SLC35F3: variants seen among roughly 807,000 people sequenced by gnomAD.
The protein encoded by SLC35F3 is solute carrier family 35 member F3.
In SLC35F3, 25 loss-of-function variants were observed where a neutral mutation model predicts 49.9. The observed-to-expected ratio is 0.50, with a 90% CI of 0.37 to 0.70. The LOEUF (loss-of-function observed/expected upper bound fraction) is 0.70. SLC35F3 is among the 30% of genes least tolerant of loss of function. The probability of loss-of-function intolerance (pLI) is 0.00; values close to 1 mark genes in which losing one functional copy is unlikely to be tolerated. For synonymous variants in SLC35F3, 275 were observed against 265.4 expected (o/e 1.04, Z -0.35); for missense variants, 525 against 639.8 (o/e 0.82, Z 1.94).
At chr1:234,176,447 C>G (rs979505166) in intron 2 of SLC35F3, among the ~76,000 whole-genome samples, 3 of 152,166 alleles carry the variant, frequency 2.0e-5, no homozygotes, top group Non-Finnish European at 4.4e-5. Context: ...CACGCTTGTT[C>G]CACTCACAGC....
chr1:234,234,574 A>AT (rs1667433889), intron 3 of SLC35F3, among the ~76,000 whole-genome samples: 1 of 152,014 alleles, frequency 6.6e-6, no homozygotes, highest in Non-Finnish European at 1.5e-5. Flanking sequence ...AATGCCCTGG[A>AT]GTTGTTGAGT....
intron 2 of SLC35F3, among the ~76,000 whole-genome samples, chr1:234,052,845 T>A (rs904168141): frequency 6.6e-6 from 1 of 152,248 alleles, no homozygotes; most frequent in Non-Finnish European, 1.5e-5. Context: ...GTGTCTTTGT[T>A]CTCATTGGTT....
intron 2 of SLC35F3, among the ~76,000 whole-genome samples, chr1:233,942,965 A>G (rs1011383110): frequency 6.6e-6 from 1 of 152,214 alleles, no homozygotes; most frequent in Admixed American, 6.5e-5. Flanking sequence ...TTGTCGTTTT[A>G]TGACTGGCTT....
At chr1:234,090,119 G>A (rs952730398) in intron 2 of SLC35F3, among the ~76,000 whole-genome samples, 1 of 152,280 alleles carries the variant, frequency 6.6e-6, no homozygotes, top group African/African-American at 2.4e-5. Flanking sequence ...GTCAATCACA[G>A]AGAGCCTTTT....
chr1:234,004,204 T>A (rs1663596033), intron 2 of SLC35F3, among the ~76,000 whole-genome samples: 1 of 152,160 alleles, frequency 6.6e-6, no homozygotes, highest in African/African-American at 2.4e-5. Flanking sequence ...CTAATGTCTG[T>A]CAATAGAAGG....
chr1:234,243,330 A>C (rs1463500091), intron 3 of SLC35F3, among the ~76,000 whole-genome samples: 1 of 152,202 alleles, frequency 6.6e-6, no homozygotes, highest in African/African-American at 2.4e-5. Flanking sequence ...CCTGGGCGAC[A>C]GAGTGAGACT....
intron 2 of SLC35F3, among the ~76,000 whole-genome samples, chr1:234,004,797 A>G (rs113403072): frequency 2.0e-3 from 308 of 152,246 alleles, no homozygotes; most frequent in African/African-American, 7.1e-3. Flanking sequence ...CACCTGTATC[A>G]TGCCCCCAGT....
rs1558204499 is a variant in SLC35F3, at chr1:234,010,357, T to C, written c.283+104599T>C. On this transcript the variant is annotated intron_variant, in intron 2 of 7. Transcript: ENST00000366618. Reference sequence around the variant, plus strand: ...TTGTAGTAGATGCACAAAACATAAATTGAAAGATTCAAAGCATATCACTGT... The same window carrying C: ...TTGTAGTAGATGCACAAAACATAAACTGAAAGATTCAAAGCATATCACTGT... Among the ~76,000 whole-genome samples, 4 of 152,206 alleles carry C rather than the reference T, an allele frequency of 2.6e-5. No homozygotes were observed. In the South Asian group the frequency reaches 6.2e-4, roughly 24 times the overall value.
At chr1:234,057,507 C>G (rs1558216969) in intron 2 of SLC35F3, among the ~76,000 whole-genome samples, 1 of 152,134 alleles carries the variant, frequency 6.6e-6, no homozygotes, top group Admixed American at 6.5e-5. Context: ...TGCTAGTTTG[C>G]TGAACTCATT....
intron 2 of SLC35F3, among the ~76,000 whole-genome samples, chr1:234,204,371 T>G (rs1353293572): frequency 6.6e-6 from 1 of 151,962 alleles, no homozygotes; most frequent in African/African-American, 2.4e-5. Flanking sequence ...CAAAAACAAA[T>G]TTGGTCTAGA....
intron 2 of SLC35F3, among the ~76,000 whole-genome samples, chr1:234,140,840 T>G (rs978416073): frequency 2.0e-5 from 3 of 152,148 alleles, no homozygotes; most frequent in Non-Finnish European, 4.4e-5. Context: ...CCTGGTAAAT[T>G]TTGCCCAAAT....
chr1:233,935,760 C>T (rs1662315337), intron 2 of SLC35F3, among the ~76,000 whole-genome samples: 1 of 152,200 alleles, frequency 6.6e-6, no homozygotes, highest in South Asian at 2.1e-4. Context: ...GCAAGCTTCC[C>T]TGTGCCTGAG....
rs1299677248 is a variant in SLC35F3, at chr1:234,267,913, C to T, written c.608+36172C>T. Among the ~76,000 whole-genome samples the T allele has an allele frequency of 1.5e-3, 212 of 141,026 alleles. 2 individuals carry two copies. The highest frequency in any genetic ancestry group is 5.3e-3 in the African/African-American group (188 of 35,374). The allele number at this position is 141,026 out of a possible 152,430, so 92.5% of individuals were successfully genotyped here. On this transcript the variant is annotated intron_variant, in intron 3 of 7. Transcript: ENST00000366618. ...CAGACGATGGGCTGCCGGGCAGAGA[C>T]GCTCCTCACTTCCTAGATGGGATGG...
intron 3 of SLC35F3, among the ~76,000 whole-genome samples, chr1:234,302,824 G>A (rs1477495842): frequency 6.6e-6 from 1 of 152,038 alleles, no homozygotes; most frequent in Admixed American, 6.5e-5. Flanking sequence ...CCACATTTCA[G>A]CTTCAACCAC....
intron 2 of SLC35F3, among the ~76,000 whole-genome samples, chr1:234,113,368 A>G (rs1665436941): frequency 6.6e-6 from 1 of 152,220 alleles, no homozygotes; most frequent in African/African-American, 2.4e-5. Flanking sequence ...TAAGCTCTGA[A>G]CATACTCACT....
intron 2 of SLC35F3, among the ~76,000 whole-genome samples, chr1:234,135,016 A>T (rs11578214): frequency 0.12 from 18,048 of 152,144 alleles, 2,509 homozygotes; most frequent in East Asian, 0.75. Context: ...CACCACGCCC[A>T]GCCAGCATTG....
chr1:234,317,062 T>A (rs61824466), intron 5 of SLC35F3, among the ~76,000 whole-genome samples: 14,322 of 152,222 alleles, frequency 0.094, 877 homozygotes, highest in African/African-American at 0.18. Flanking sequence ...CAGTGTTTGC[T>A]CAGATCATTT....
At chr1:233,930,554 C>G (rs897481342) in intron 2 of SLC35F3, among the ~76,000 whole-genome samples, 16 of 152,008 alleles carry the variant, frequency 1.1e-4, no homozygotes, top group Non-Finnish European at 1.5e-4. Flanking sequence ...AACAGGTGAC[C>G]CTTGAAAAAC....
intron 2 of SLC35F3, among the ~76,000 whole-genome samples, chr1:234,031,992 C>T (rs1160855405): frequency 6.6e-6 from 1 of 152,196 alleles, no homozygotes; most frequent in Non-Finnish European, 1.5e-5. Context: ...ACCCCTCCAA[C>T]CCATCCATTT....
Sources: allele counts gnomAD v4.1 joint callset (sites outside exome capture counted in the v4.1 genomes callset), GRCh38; gene constraint gnomAD v4.1.1; transcripts MANE v1.5; gene names NCBI Gene and HGNC (gene_info 2026-07-23, HGNC 2026-07-21).